The following EIF5B variants were observed in gnomAD, a reference collection of about 807,000 sequenced individuals.
The protein encoded by EIF5B is eIF-5B.
In EIF5B, 47 loss-of-function variants were observed where a neutral mutation model predicts 147.5. The observed-to-expected ratio is 0.32, with a 90% CI of 0.25 to 0.41. The LOEUF (loss-of-function observed/expected upper bound fraction) is 0.41, where lower values mean the gene tolerates loss of function less well. Ranked by LOEUF, EIF5B falls within the 10% of genes least tolerant of loss-of-function variation. EIF5B has a pLI of 1.00. For synonymous variants in EIF5B, 455 were observed against 456.2 expected (o/e 1.00, Z 0.03); for missense variants, 1,064 against 1,413.2 (o/e 0.75, Z 3.96).
At chr2:99,394,196 C>T in intron 18 of EIF5B, 71 bp from the exon 19 acceptor site, 1 of 1,528,516 alleles carries the variant, frequency 6.5e-7, no homozygotes, top group Middle Eastern at 1.8e-4. Flanking sequence ...AAGAGAGAAA[C>T]ACAATTTAAT....
Position 99,360,470 on chromosome 2 carries a change from A to T in EIF5B, c.167A>T (p.Asp56Val), listed in dbSNP as rs867591947. The T allele has an allele frequency of 6.2e-7, 1 of 1,613,222 alleles. No homozygotes were observed. The change falls in exon 3 of 24, where the codon GAT becomes GTT. Residue 56 changes from aspartate to valine, a missense_variant. Asp to Val is a radical substitution (Grantham distance 152). Transcript: ENST00000289371. The stretch of plus-strand genomic sequence containing the variant: ...GTATTTTAATCCTTTTCTAGTGAAG[A>T]TGATATCCTGAAAGAACTGGAAGAA... ...KEKKKQDFDEDDILKELEELS... is the reference protein window; with the variant it reads ...KEKKKQDFDEVDILKELEELS...
At chr2:99,354,028 G>A (rs1674041665) in intron 1 of EIF5B, among the ~76,000 whole-genome samples, 1 of 152,148 alleles carries the variant, frequency 6.6e-6, no homozygotes, top group Admixed American at 6.5e-5. Flanking sequence ...ATAAATTTTT[G>A]TTATTTAGGT....
At chr2:99,360,879 C>A (rs78908017) in intron 3 of EIF5B, among the ~76,000 whole-genome samples, 11,911 of 152,156 alleles carry the variant, frequency 0.078, 664 homozygotes, top group Non-Finnish European at 0.12. Context: ...TTCAACTTGT[C>A]CCTTAGGCTT....
intron 4 of EIF5B, among the ~76,000 whole-genome samples, chr2:99,362,546 A>G (rs1233468262): frequency 3.9e-5 from 6 of 152,106 alleles, no homozygotes; most frequent in Admixed American, 1.3e-4. Flanking sequence ...TAAAAATACA[A>G]TAATTAGCCG....
chr2:99,371,595 C>G, intron 8 of EIF5B, 61 bp from the exon 9 acceptor site: 1 of 1,435,624 alleles, frequency 7.0e-7, no homozygotes, highest in Non-Finnish European at 9.4e-7. Flanking sequence ...TTACTTTTTT[C>G]TAAAAGACCT....
intron 1 of EIF5B, among the ~76,000 whole-genome samples, chr2:99,338,959 T>C (rs1320945232): frequency 8.5e-6 from 1 of 117,086 alleles, no homozygotes; most frequent in Admixed American, 8.4e-5. Context: ...TACACACATA[T>C]ATATAAATAT....
chr2:99,399,003 T>C, intron 23 of EIF5B, 94 bp downstream of exon 23: 1 of 1,406,520 alleles, frequency 7.1e-7, no homozygotes, highest in Non-Finnish European at 9.6e-7. Flanking sequence ...TTCAGTTTGA[T>C]TGTAGAATCT....
intron 9 of EIF5B, among the ~76,000 whole-genome samples, chr2:99,374,615 A>G (rs1424318242): frequency 6.6e-6 from 1 of 152,184 alleles, no homozygotes; most frequent in African/African-American, 2.4e-5. Flanking sequence ...GTTGAAGTTT[A>G]ACACTTTGAA....
intron 12 of EIF5B, 109 bp from the exon 13 acceptor site, chr2:99,382,050 G>T: frequency 1.2e-6 from 1 of 802,076 alleles, no homozygotes; most frequent in Non-Finnish European, 2.0e-6. Flanking sequence ...CATTTATATG[G>T]AAAAGGGAGT....
rs1483693965 is a variant in EIF5B at position 99,374,204 on chromosome 2, G to A, written c.1553-2143G>A. ...CTCAGGTGACTGAGGCATGAGAATC[G>A]CTTCACCCTGGGAAGCAGAGGTTGC... On this transcript the variant is annotated intron_variant, in intron 9 of 23. Transcript: ENST00000289371. 2.7e-5 allele frequency among the ~76,000 whole-genome samples: 4 copies of A among 148,630 alleles called. No homozygotes were observed. The East Asian group carries it at 6.0e-4, about 22-fold the overall frequency.
At chr2:99,390,859 A>G (rs1197392249) in intron 17 of EIF5B, among the ~76,000 whole-genome samples, 154 bp downstream of exon 17, 1 of 152,330 alleles carries the variant, frequency 6.6e-6, no homozygotes, top group East Asian at 1.9e-4. Flanking sequence ...TCATACAGGA[A>G]GGCCTGTCTG....
At chr2:99,384,270 T>C (rs977025191) in intron 14 of EIF5B, among the ~76,000 whole-genome samples, 2 of 152,046 alleles carry the variant, frequency 1.3e-5, no homozygotes, top group Non-Finnish European at 2.9e-5. Flanking sequence ...TGATAGCACG[T>C]CTATTCATAG....
In EIF5B at chr2:99,361,629, G is replaced by C; in HGVS notation, c.728G>C (p.Arg243Pro). Reference sequence around the variant, plus strand: ...AAGAAGGAGCGCGAGAGAAAAAAGCGAGATGAAGAAAAAGCGAAACTGCGG... The same window carrying C: ...AAGAAGGAGCGCGAGAGAAAAAAGCCAGATGAAGAAAAAGCGAAACTGCGG... ...AEKKERERKK[R>P]DEEKAKLRKL... Residue 243 changes from arginine to proline, a missense_variant, in exon 4 of 24, where the codon CGA becomes CCA. Coordinates refer to ENST00000289371, the MANE Select transcript of EIF5B (RefSeq NM_015904.4). 6.3e-7 allele frequency: 1 copy of C among 1,593,316 alleles called. No homozygotes were observed. The highest frequency in any genetic ancestry group is 8.5e-7 in the Non-Finnish European group (1 of 1,175,152).
At chr2:99,342,548 AT>A (rs1267641585) in intron 1 of EIF5B, among the ~76,000 whole-genome samples, 1 of 152,014 alleles carries the variant, frequency 6.6e-6, no homozygotes. Flanking sequence ...GTATCACAGA[AT>A]TTTTGTTGCT....
intron 13 of EIF5B, 48 bp downstream of exon 13, chr2:99,382,274 A>T (rs1483360726): frequency 6.5e-7 from 1 of 1,541,448 alleles, no homozygotes; most frequent in Admixed American, 1.7e-5. Flanking sequence ...ACTTGAAACC[A>T]TTAAGTCTAA....
In EIF5B at chr2:99,396,888, C is replaced by A; in HGVS notation, c.3383C>A (p.Pro1128Gln). 2 of 1,596,276 alleles carry A rather than the reference C, an allele frequency of 1.3e-6. No homozygotes were observed. The highest frequency in any genetic ancestry group is 1.8e-5 in the Admixed American group (1 of 54,100). ...QVKQGTPMCVPSKNFVDIGIV... is the reference protein window; with the variant it reads ...QVKQGTPMCVQSKNFVDIGIV... ...AAACAGGGGACACCCATGTGTGTCCCAAGCAAAAATGTAAGTTCTAGTTGT... is the reference window on the plus strand; with the variant it reads ...AAACAGGGGACACCCATGTGTGTCCAAAGCAAAAATGTAAGTTCTAGTTGT... The change falls in exon 22 of 24, where the codon CCA becomes CAA. Residue 1128 changes from proline (P) to glutamine (Q), a missense_variant. Pro to Gln is a moderately conservative substitution (Grantham distance 76, BLOSUM62 -1). Transcript: ENST00000289371.
At chr2:99,390,824 G>A (rs1459946715) in intron 17 of EIF5B, 119 bp downstream of exon 17, 7 of 1,087,602 alleles carry the variant, frequency 6.4e-6, no homozygotes, top group African/African-American at 6.3e-5. Context: ...TACATCCCTC[G>A]CTCTCCCTTT....
At chr2:99,360,206 G>A (rs772985096) in intron 1 of EIF5B, 30 bp from the exon 2 acceptor site, 1 of 1,559,222 alleles carries the variant, frequency 6.4e-7, no homozygotes, top group Non-Finnish European at 8.6e-7. Flanking sequence ...CTTTTAAGTA[G>A]CATTTAGGAT....
chr2:99,372,434 G>A (rs1674472377), intron 9 of EIF5B, among the ~76,000 whole-genome samples: 1 of 152,158 alleles, frequency 6.6e-6, no homozygotes, highest in Admixed American at 6.5e-5. Flanking sequence ...CACCTCCCGG[G>A]TTCAAGCCAT....
Sources: gnomAD v4.1 joint callset for allele counts (sites outside exome capture counted in the v4.1 genomes callset) on GRCh38, gnomAD v4.1.1 for gene constraint, MANE v1.5 for transcripts, NCBI Gene and HGNC (gene_info 2026-07-23, HGNC 2026-07-21) for gene names.